The following TSPAN5 variants were observed in gnomAD, a reference collection of about 807,000 sequenced individuals.
The protein encoded by TSPAN5 is tetraspanin-5.
TSPAN5 carries 10 observed loss-of-function variants against 37.1 expected under a neutral mutation model. The ratio of observed to expected loss-of-function variants is 0.27; its 90% CI spans 0.17 to 0.46. The LOEUF is 0.46. TSPAN5 is among the 20% of genes least tolerant of loss of function. The probability of loss-of-function intolerance (pLI) is 1.00; values close to 1 mark genes in which losing one functional copy is unlikely to be tolerated. For synonymous variants in TSPAN5, 110 were observed against 118.9 expected, an observed-to-expected ratio of 0.93 and a Z score of 0.48; for missense variants, 195 against 326.6, an observed-to-expected ratio of 0.60 and a Z score of 3.11.
chr4:98,533,302 G>A (rs1754142982), intron 1 of TSPAN5, among the ~76,000 whole-genome samples: 1 of 152,094 alleles, frequency 6.6e-6, no homozygotes, highest in Admixed American at 6.6e-5. Flanking sequence ...GAATTCGGCT[G>A]TGAATCCATC....
intron 1 of TSPAN5, among the ~76,000 whole-genome samples, chr4:98,605,591 A>G (rs181672405): frequency 1.5e-4 from 23 of 152,314 alleles, no homozygotes; most frequent in Admixed American, 1.5e-3. Context: ...AGTATACTGA[A>G]GTTCACTTAT....
In TSPAN5 at chr4:98,525,599, CAG is replaced by C. The variant is rs369531433; in HGVS notation, c.82-17873_82-17872del. ...TTAATCCTTTCTCTTGTTTTCGAGA[CAG>C]AGTCTTGCTCTGTCCCCCAGGCTGG... is the stretch of plus-strand genomic sequence containing the variant. On this transcript the variant is annotated intron_variant, in intron 1 of 7. Coordinates refer to ENST00000305798, the MANE Select transcript of TSPAN5 (RefSeq NM_005723.4). Among the ~76,000 whole-genome samples the C allele has an allele frequency of 9.3e-4, 142 of 152,256 alleles. 2 individuals are homozygous for C. Among genetic ancestry groups the C allele is most frequent in the African/African-American group, 3.2e-3 (134 of 41,558 alleles).
Position 98,486,856 on chromosome 4 carries a change from G to A in TSPAN5, c.161C>T (p.Thr54Ile). The change falls in exon 3 of 8, where the codon ACC becomes ATC. Residue 54 changes from threonine to isoleucine, a missense_variant. By Grantham distance (89) the Thr-to-Ile change is moderately conservative. Transcript: ENST00000305798. ...AACTGGGTCAAAGCCGCCGAGATCG[G>A]TGATGGAAGAGATGTTGGACAGAAC... ...KGVLSNISSI[T>I]DLGGFDPVWL... 1 of 1,614,072 alleles carries A rather than the reference G, an allele frequency of 6.2e-7. No individual in the cohort carries two copies. Among genetic ancestry groups the A allele is most frequent in the South Asian group, 1.1e-5 (1 of 91,078 alleles).
intron 1 of TSPAN5, 108 bp downstream of exon 1, chr4:98,658,038 G>A: frequency 1.0e-6 from 1 of 983,390 alleles, no homozygotes; most frequent in African/African-American, 1.6e-5. Context: ...TGCTGCTCCG[G>A]CAAGCGCCTG....
intron 1 of TSPAN5, among the ~76,000 whole-genome samples, chr4:98,609,178 C>T (rs1435513880): frequency 3.3e-5 from 5 of 152,178 alleles, no homozygotes; most frequent in Non-Finnish European, 7.3e-5. Flanking sequence ...TTTCAATCCC[C>T]ACTGTAACAT....
At chr4:98,558,435 T>C (rs1754798448) in intron 1 of TSPAN5, among the ~76,000 whole-genome samples, 3 of 152,160 alleles carry the variant, frequency 2.0e-5, no homozygotes, top group African/African-American at 7.2e-5. Flanking sequence ...GAACAGAGAT[T>C]ATTAGGCAAA....
At chr4:98,536,433 C>A (rs936763688) in intron 1 of TSPAN5, among the ~76,000 whole-genome samples, 1 of 152,174 alleles carries the variant, frequency 6.6e-6, no homozygotes, top group Non-Finnish European at 1.5e-5. Flanking sequence ...TATGAGGTGT[C>A]CGTCGGCCCC....
intron 1 of TSPAN5, among the ~76,000 whole-genome samples, chr4:98,572,516 A>G (rs1246712486): frequency 1.3e-5 from 2 of 152,258 alleles, no homozygotes; most frequent in Admixed American, 1.3e-4. Flanking sequence ...GGAAAGCAGG[A>G]AAAGTAAGAT....
chr4:98,641,458 T>A (rs528998020), intron 1 of TSPAN5, among the ~76,000 whole-genome samples: 29 of 152,356 alleles, frequency 1.9e-4, no homozygotes, highest in African/African-American at 7.0e-4. Flanking sequence ...AGGCCACATA[T>A]GGAATCCATA....
At chr4:98,573,172 T>G (rs1426513035) in intron 1 of TSPAN5, among the ~76,000 whole-genome samples, 1 of 152,212 alleles carries the variant, frequency 6.6e-6, no homozygotes, top group Admixed American at 6.5e-5. Context: ...GTTCTGTTCA[T>G]GCTTTGACCA....
chr4:98,491,793 G>T (rs1278746724), intron 2 of TSPAN5, among the ~76,000 whole-genome samples: 1 of 152,092 alleles, frequency 6.6e-6, no homozygotes, highest in African/African-American at 2.4e-5. Flanking sequence ...TAAAGATGGG[G>T]TCTCTTTCTG....
chr4:98,482,896 G>A (rs1056512422), intron 3 of TSPAN5: 6 of 152,066 alleles, frequency 3.9e-5, no homozygotes, highest in African/African-American at 1.4e-4. Flanking sequence ...GCAGCCAAGG[G>A]GAGACTTCCG....
intron 7 of TSPAN5, among the ~76,000 whole-genome samples, chr4:98,473,326 T>A (rs1488120395): frequency 6.6e-6 from 1 of 152,260 alleles, no homozygotes; most frequent in Non-Finnish European, 1.5e-5. Flanking sequence ...CTCCACATCC[T>A]TGCCGATACT....
intron 1 of TSPAN5, among the ~76,000 whole-genome samples, chr4:98,641,655 A>T (rs1236183762): frequency 6.6e-6 from 1 of 152,218 alleles, no homozygotes; most frequent in Non-Finnish European, 1.5e-5. Context: ...GCGTGCACAC[A>T]TCCTACAAAG....
intron 1 of TSPAN5, among the ~76,000 whole-genome samples, chr4:98,523,895 G>A (rs1031148958): frequency 6.6e-6 from 1 of 152,108 alleles, no homozygotes; most frequent in Non-Finnish European, 1.5e-5. Context: ...TAATGGATGT[G>A]GCCTGGGCAA....
intron 1 of TSPAN5, among the ~76,000 whole-genome samples, chr4:98,576,853 G>A (rs181328318): frequency 3.4e-4 from 52 of 152,254 alleles, no homozygotes; most frequent in East Asian, 3.1e-3. Context: ...TCCACCTCCC[G>A]TGTTCAAGTG....
intron 7 of TSPAN5, among the ~76,000 whole-genome samples, chr4:98,473,714 C>A (rs1456806304): frequency 1.3e-5 from 2 of 152,202 alleles, no homozygotes; most frequent in Non-Finnish European, 2.9e-5. Context: ...CCGCCTCGGC[C>A]TTTATTAGCA....
chr4:98,490,831 C>T (rs1753068423), intron 2 of TSPAN5, among the ~76,000 whole-genome samples: 1 of 152,102 alleles, frequency 6.6e-6, no homozygotes, highest in African/African-American at 2.4e-5. Context: ...GAGGCCGAGG[C>T]GGGCAGATCA....
chr4:98,533,289 G>A (rs1754142573), intron 1 of TSPAN5, among the ~76,000 whole-genome samples: 1 of 151,962 alleles, frequency 6.6e-6, no homozygotes, highest in African/African-American at 2.4e-5. Context: ...TGTACCTCTG[G>A]TAGAATTCGG....
Sources: allele counts gnomAD v4.1 joint callset (sites outside exome capture counted in the v4.1 genomes callset), GRCh38; gene constraint gnomAD v4.1.1; transcripts MANE v1.5; gene names NCBI Gene and HGNC (gene_info 2026-07-23, HGNC 2026-07-21).